Variants in DNM1L observed in about 807,000 individuals in gnomAD.
The protein encoded by DNM1L is dynamin 1L.
DNM1L carries 33 observed loss-of-function variants against 92.8 expected under a neutral mutation model. The observed-to-expected ratio is 0.36, with a 90% CI of 0.27 to 0.48. DNM1L has a LOEUF of 0.48. Among genes scored for constraint, DNM1L ranks in the 20% least tolerant of loss-of-function variants. The probability of loss-of-function intolerance (pLI) is 0.99; values close to 1 mark genes in which losing one functional copy is unlikely to be tolerated. For missense variants in DNM1L, 485 were observed against 888.8 expected (o/e 0.55, Z 5.78); for synonymous variants, 284 against 305.0 (o/e 0.93, Z 0.72).
At position 32,743,498 on chromosome 12, in the gene DNM1L, G is replaced by T. The variant is rs1457265724; in HGVS notation, c.*88G>T. On this transcript the variant is annotated 3_prime_UTR_variant, in exon 20 of 20. Coordinates refer to ENST00000549701, the MANE Select transcript of DNM1L (RefSeq NM_012062.5). ...TAGAATCTTATTTATGAACTCCTGT[G>T]TATTGCAATGGTATGAATCTGCTCA... is the stretch of plus-strand genomic sequence containing the variant. 129 of 1,259,940 alleles carry T rather than the reference G, an allele frequency of 1.0e-4. No individual in the cohort carries two copies. Among genetic ancestry groups the T allele is most frequent in the Non-Finnish European group, 1.4e-4 (121 of 867,688 alleles). 78.0% of individuals were successfully genotyped at this position (1,259,940 alleles called of 1,614,324 possible). A position where few individuals can be genotyped will look rare whatever the true frequency, so the allele number is the denominator to read the frequency against.
chr12:32,743,503 G>A lies in DNM1L; in HGVS notation c.*93G>A. ...TCTTATTTATGAACTCCTGTGTATT[G>A]CAATGGTATGAATCTGCTCATGTGG... On this transcript the variant is annotated 3_prime_UTR_variant, in exon 20 of 20. Transcript: ENST00000549701. The A allele has an allele frequency of 1.6e-6, 2 of 1,216,956 alleles. No homozygotes were observed. Among genetic ancestry groups the A allele is most frequent in the South Asian group, 2.5e-5 (2 of 80,670 alleles). 75.4% of individuals were successfully genotyped at this position (1,216,956 alleles called of 1,614,324 possible). A position where few individuals can be genotyped will look rare whatever the true frequency, so the allele number is the denominator to read the frequency against.
At chr12:32,727,426 G>C in intron 9 of DNM1L, 1 of 728,274 alleles carries the variant, frequency 1.4e-6, no homozygotes, top group Non-Finnish European at 2.5e-6. Context: ...GGCGGCTGGA[G>C]CTGTGCAGGC....
Position 32,722,653 on chromosome 12 carries a change from G to T in DNM1L, c.1079+20G>T. On this transcript the variant is annotated intron_variant, in intron 9 of 19. Transcript: ENST00000549701. ...GGAGCTGTAAGTAAGAAATTTTTCT[G>T]TAGATTTGGTTACCTAGATTGCTAG... 6.3e-7 allele frequency: 1 copy of T among 1,592,228 alleles called. No homozygotes were observed.
intron 16 of DNM1L, 57 bp downstream of exon 16, chr12:32,738,353 T>C: frequency 1.9e-6 from 3 of 1,575,938 alleles, no homozygotes; most frequent in Non-Finnish European, 2.6e-6. Flanking sequence ...ACTGAAACAC[T>C]GTCTATACCA....
intron 13 of DNM1L, among the ~76,000 whole-genome samples, chr12:32,734,399 T>C (rs1427307595): frequency 6.6e-6 from 1 of 152,214 alleles, no homozygotes; most frequent in Non-Finnish European, 1.5e-5. Flanking sequence ...CAGTAAGACC[T>C]GAGTCCCCTG....
chr12:32,717,893 A>G (rs1352638523), intron 6 of DNM1L, among the ~76,000 whole-genome samples: 1 of 105,768 alleles, frequency 9.5e-6, no homozygotes, highest in Non-Finnish European at 1.7e-5. Context: ...ATTTATATAT[A>G]CTATATATAG....
Position 32,718,630 on chromosome 12 carries a change from T to C in DNM1L, c.620-13T>C. The C allele has an allele frequency of 1.9e-6, 3 of 1,613,632 alleles. No homozygotes were observed. The highest frequency in any genetic ancestry group is 2.5e-6 in the Non-Finnish European group (3 of 1,179,698). On this transcript the variant is annotated splice_polypyrimidine_tract_variant and intron_variant, in intron 6 of 19. Transcript: ENST00000549701. ...TTCTTTTCTTTGCCCTTTTTTCTTT[T>C]TGCATTTACCAGGTCGCAGAACCCT...
intron 1 of DNM1L, among the ~76,000 whole-genome samples, chr12:32,688,818 A>G (rs1268830427): frequency 6.6e-6 from 1 of 152,214 alleles, no homozygotes; most frequent in Non-Finnish European, 1.5e-5. Flanking sequence ...CTATAGTTTT[A>G]TAACCAAGAA....
intron 6 of DNM1L, among the ~76,000 whole-genome samples, chr12:32,713,697 T>C (rs1953231927): frequency 6.6e-6 from 1 of 152,128 alleles, no homozygotes; most frequent in African/African-American, 2.4e-5. Context: ...ATAAATAACA[T>C]AGCCAGGTGT....
chr12:32,721,540 G>A (rs907816994), intron 8 of DNM1L, among the ~76,000 whole-genome samples: 2 of 152,046 alleles, frequency 1.3e-5, no homozygotes, highest in African/African-American at 4.8e-5. Flanking sequence ...AATCAAAATT[G>A]TTTTTTTCCT....
intron 6 of DNM1L, among the ~76,000 whole-genome samples, chr12:32,717,968 TTATATATAG>T (rs1163234594): frequency 1.2e-4 from 12 of 102,806 alleles, no homozygotes; most frequent in African/African-American, 3.1e-4. Flanking sequence ...AGTATATATA[TTATATATAG>T]TATATATAGT....
intron 1 of DNM1L, chr12:32,680,078 G>A: frequency 1.1e-6 from 1 of 889,748 alleles, no homozygotes. Context: ...AACAAAACGT[G>A]TATCTAGAGT....
intron 8 of DNM1L, 48 bp from the exon 9 acceptor site, chr12:32,722,379 A>G: frequency 6.5e-7 from 1 of 1,545,512 alleles, no homozygotes. Context: ...TTAGGGCTTT[A>G]GAATACACAA....
chr12:32,723,206 T>C (rs1441751996), intron 9 of DNM1L, among the ~76,000 whole-genome samples: 1 of 151,568 alleles, frequency 6.6e-6, no homozygotes, highest in East Asian at 1.9e-4. Flanking sequence ...ATTTCTAGAA[T>C]GGAATGGAAT....
chr12:32,714,299 G>A (rs1953263317), intron 6 of DNM1L, among the ~76,000 whole-genome samples: 2 of 143,580 alleles, frequency 1.4e-5, no homozygotes, highest in South Asian at 2.2e-4. Flanking sequence ...TTGAGATGGA[G>A]TCTTGCTCTA....
chr12:32,730,938 T>C (rs1177424943), intron 9 of DNM1L, 76 bp from the exon 10 acceptor site: 1 of 1,599,288 alleles, frequency 6.3e-7, no homozygotes, highest in East Asian at 2.3e-5. Flanking sequence ...AGCTTAAAGC[T>C]TCTAGAAAGA....
At chr12:32,711,154 A>C (rs1953109749) in intron 5 of DNM1L, 139 bp downstream of exon 5, 1 of 753,548 alleles carries the variant, frequency 1.3e-6, no homozygotes, top group Non-Finnish European at 2.3e-6. Flanking sequence ...TTTCTCCTTG[A>C]AACACTTTCT....
rs760094317 is a variant in DNM1L, at chr12:32,744,910, C to T, written c.*1500C>T. 23 of 515,214 alleles carry T rather than the reference C, an allele frequency of 4.5e-5. No individual in the cohort carries two copies. Among genetic ancestry groups the T allele is most frequent in the Middle Eastern group, 3.2e-4 (1 of 3,150 alleles). The allele number at this position is 515,214 out of a possible 1,614,324, so 31.9% of individuals were successfully genotyped here. On this transcript the variant is annotated 3_prime_UTR_variant, in exon 20 of 20. Coordinates refer to ENST00000549701, the MANE Select transcript of DNM1L (RefSeq NM_012062.5). The stretch of plus-strand genomic sequence containing the variant: ...TAGAAATCCTTAAGACATCTAGCCC[C>T]GTCTCTAATAGACAACACATTTATA...
At chr12:32,724,878 C>T (rs1173638124) in intron 9 of DNM1L, among the ~76,000 whole-genome samples, 1 of 151,576 alleles carries the variant, frequency 6.6e-6, no homozygotes, top group Non-Finnish European at 1.5e-5. Context: ...TGCCTTAACA[C>T]ATCCATGAGG....
Sources: gnomAD v4.1 joint callset for allele counts (sites outside exome capture counted in the v4.1 genomes callset) on GRCh38, gnomAD v4.1.1 for gene constraint, MANE v1.5 for transcripts, NCBI Gene and HGNC (gene_info 2026-07-23, HGNC 2026-07-21) for gene names.